The following ZRANB3 variants were observed in gnomAD, a reference collection of about 807,000 sequenced individuals.
ZRANB3 encodes zinc finger RANBP2-type containing 3.
In ZRANB3, 125 loss-of-function variants were observed where a neutral mutation model predicts 133.8. That is an observed-to-expected ratio of 0.93 (90% CI 0.81 to 1.08). The LOEUF (loss-of-function observed/expected upper bound fraction) is 1.08, where lower values mean the gene tolerates loss of function less well. ZRANB3 is among the 50% of genes least tolerant of loss of function. ZRANB3 has a pLI of 0.00. For synonymous variants in ZRANB3, 387 were observed against 432.7 expected, an observed-to-expected ratio of 0.89 and a Z score of 1.31; for missense variants, 1,229 against 1,275.5, an observed-to-expected ratio of 0.96 and a Z score of 0.56.
chr2:135,219,036 T>C (rs1395646649), intron 16 of ZRANB3, 41 bp downstream of exon 16: 2 of 1,277,724 alleles, frequency 1.6e-6, no homozygotes, highest in South Asian at 3.6e-5. Context: ...AACAAGTTTA[T>C]TTAAAGTAAA....
At chr2:135,225,212 A>G (rs2105060889) in intron 14 of ZRANB3, among the ~76,000 whole-genome samples, 1 of 152,348 alleles carries the variant, frequency 6.6e-6, no homozygotes, top group East Asian at 1.9e-4. Context: ...AAACTGAGGC[A>G]CGTTAACTTA....
chr2:135,426,853 A>G (rs1689099105), intron 2 of ZRANB3, among the ~76,000 whole-genome samples: 1 of 62,512 alleles, frequency 1.6e-5, no homozygotes, highest in African/African-American at 9.0e-5. Flanking sequence ...AAAAAAAAAA[A>G]AAAAAAAAAA....
chr2:135,353,367 G>A (rs1357595352), intron 4 of ZRANB3, 83 bp downstream of exon 4: 2 of 878,812 alleles, frequency 2.3e-6, no homozygotes, highest in African/African-American at 1.7e-5. Flanking sequence ...ATCTATTGGT[G>A]ATATTGCATT....
chr2:135,522,165 C>A (rs976864906), intron 1 of ZRANB3, among the ~76,000 whole-genome samples: 1 of 152,178 alleles, frequency 6.6e-6, no homozygotes, highest in Non-Finnish European at 1.5e-5. Context: ...TAGACACACG[C>A]CTTTGCTCAA....
chr2:135,504,555 T>A, intron 1 of ZRANB3, 59 bp from the exon 2 acceptor site: 1 of 1,410,854 alleles, frequency 7.1e-7, no homozygotes, highest in Non-Finnish European at 9.5e-7. Flanking sequence ...TTACTAAGTA[T>A]GTTACAGAAT....
intron 10 of ZRANB3, among the ~76,000 whole-genome samples, chr2:135,270,240 G>A (rs911538562): frequency 6.6e-6 from 1 of 152,064 alleles, no homozygotes; most frequent in African/African-American, 2.4e-5. Flanking sequence ...TTTAAGGAGA[G>A]ACATCTTTAA....
chr2:135,247,773 G>A (rs374007311), intron 12 of ZRANB3, among the ~76,000 whole-genome samples: 1 of 152,160 alleles, frequency 6.6e-6, no homozygotes, highest in African/African-American at 2.4e-5. Flanking sequence ...AGGTCCTGAG[G>A]GGAGGGGCTA....
intron 12 of ZRANB3, among the ~76,000 whole-genome samples, chr2:135,252,191 T>C (rs1475334063): frequency 6.6e-6 from 1 of 152,116 alleles, no homozygotes. Context: ...TAGGGTCTAC[T>C]TGAGAGGGGA....
intron 8 of ZRANB3, among the ~76,000 whole-genome samples, chr2:135,290,356 T>A (rs574690032): frequency 6.6e-6 from 1 of 152,344 alleles, no homozygotes; most frequent in East Asian, 1.9e-4. Context: ...TGTCCCTGTT[T>A]GTCTCTTTTA....
Position 135,208,944 on chromosome 2 carries a change from T to C in ZRANB3, c.2530A>G (p.Met844Val), listed in dbSNP as rs186820943. ...CCCCCAACATTCTTCACTTTGTCCATTGAGGCTACGGCAACATCTTCTTTG... is the reference window on the plus strand; with the variant it reads ...CCCCCAACATTCTTCACTTTGTCCACTGAGGCTACGGCAACATCTTCTTTG... ...ITKEDVAVAS[M>V]DKVKNVGGHV... Residue 844 changes from methionine (M) to valine (V), a missense_variant, in exon 18 of 21, where the codon ATG becomes GTG. Physicochemically the swap from Met to Val is conservative, Grantham distance 21. Coordinates refer to ENST00000264159, the MANE Select transcript of ZRANB3 (RefSeq NM_032143.4). 38 of 1,613,980 alleles carry C rather than the reference T, an allele frequency of 2.4e-5. No individual in the cohort carries two copies. Among genetic ancestry groups the C allele is most frequent in the Admixed American group, 1.8e-4 (11 of 60,022 alleles).
intron 17 of ZRANB3, among the ~76,000 whole-genome samples, chr2:135,216,075 G>T (rs1278499551): frequency 6.7e-6 from 1 of 149,856 alleles, no homozygotes; most frequent in Non-Finnish European, 1.5e-5. Flanking sequence ...AGTGAAGTTT[G>T]TGTCTCCATC....
intron 8 of ZRANB3, among the ~76,000 whole-genome samples, chr2:135,308,041 T>C (rs766103001): frequency 1.6e-4 from 25 of 152,028 alleles, no homozygotes; most frequent in Non-Finnish European, 2.2e-4. Flanking sequence ...ATAGTGGGGG[T>C]TGGGGGACCT....
At position 135,219,070 on chromosome 2, in the gene ZRANB3, T is replaced by C; in HGVS notation, c.2352+7A>G. On this transcript the variant is annotated splice_region_variant and intron_variant, in intron 16 of 20. Coordinates refer to ENST00000264159, the MANE Select transcript of ZRANB3 (RefSeq NM_032143.4). ...AATAAAGCCATTTTATTTAAAACTA[T>C]TCTTACCAGTGAGCGATATTGTTTC... 6.8e-7 allele frequency: 1 copy of C among 1,466,236 alleles called. No individual in the cohort carries two copies. Among genetic ancestry groups the C allele is most frequent in the Non-Finnish European group, 9.0e-7 (1 of 1,109,310 alleles). 90.8% of individuals were successfully genotyped at this position (1,466,236 alleles called of 1,614,324 possible).
chr2:135,231,348 CTG>C (rs1244909057), intron 12 of ZRANB3, among the ~76,000 whole-genome samples: 1 of 152,144 alleles, frequency 6.6e-6, no homozygotes, highest in African/African-American at 2.4e-5. Context: ...AAAAAGGCAA[CTG>C]TGTATTCAAA....
intron 3 of ZRANB3, among the ~76,000 whole-genome samples, chr2:135,385,320 C>T (rs1396321754): frequency 1.3e-5 from 2 of 152,090 alleles, no homozygotes; most frequent in African/African-American, 4.8e-5. Context: ...AACTACAAAC[C>T]ACTGCTCAAT....
At chr2:135,436,995 T>C (rs1689563823) in intron 2 of ZRANB3, among the ~76,000 whole-genome samples, 2 of 152,246 alleles carry the variant, frequency 1.3e-5, no homozygotes, top group Admixed American at 1.3e-4. Flanking sequence ...AGTCTCGCTC[T>C]GTTGCCCAGG....
chr2:135,530,473 C>G (rs1694480915), intron 1 of ZRANB3: 1 of 152,202 alleles, frequency 6.6e-6, no homozygotes, highest in African/African-American at 2.4e-5. Flanking sequence ...CTTTTTATCT[C>G]CCATGCAAGA....
chr2:135,326,105 AG>A (rs1013750609), intron 6 of ZRANB3, among the ~76,000 whole-genome samples: 5 of 152,240 alleles, frequency 3.3e-5, no homozygotes, highest in Non-Finnish European at 7.3e-5. Flanking sequence ...TACAAACTAC[AG>A]GGAAAAAACT....
At chr2:135,372,269 T>C (rs970668687) in intron 3 of ZRANB3, among the ~76,000 whole-genome samples, 13 of 151,854 alleles carry the variant, frequency 8.6e-5, no homozygotes, top group Non-Finnish European at 1.5e-5. Flanking sequence ...CTATAAACCA[T>C]CAGATACTGA....
Sources: allele counts gnomAD v4.1 joint callset (sites outside exome capture counted in the v4.1 genomes callset), GRCh38; gene constraint gnomAD v4.1.1; transcripts MANE v1.5; gene names NCBI Gene and HGNC (gene_info 2026-07-23, HGNC 2026-07-21).